MYLK4: variants seen among roughly 807,000 people sequenced by gnomAD.
The protein encoded by MYLK4 is caMLCK like.
In MYLK4, 46 loss-of-function variants were observed where a neutral mutation model predicts 48.1. The observed-to-expected ratio is 0.96, with a 90% CI of 0.75 to 1.22. MYLK4 has a LOEUF of 1.22. Ranked by LOEUF, MYLK4 falls within the 50% of genes most tolerant of loss-of-function variation. The pLI, the probability that MYLK4 is intolerant of heterozygous loss-of-function variation, is 0.00. For missense variants in MYLK4, 451 were observed against 486.1 expected (o/e 0.93, Z 0.68); for synonymous variants, 170 against 180.8 (o/e 0.94, Z 0.48).
At chr6:2,683,192 G>T (rs1375142777) in intron 6 of MYLK4, 30 bp from the exon 7 acceptor site, 1 of 1,613,492 alleles carries the variant, frequency 6.2e-7, no homozygotes, top group Admixed American at 1.7e-5. Flanking sequence ...GAAACCCTCA[G>T]TCCCGATTTC....
chr6:2,746,237 AGCCT>A lies in MYLK4; in HGVS notation c.159+2895_159+2898del, dbSNP rs111843223. ...AGCTGAGATCGCACCACTGCACTCC[AGCCT>A]GGGTGACAGAGCAAGACTCCGTCTC... On this transcript the variant is annotated intron_variant, in intron 2 of 12. Transcript: ENST00000274643. Among the ~76,000 whole-genome samples the A allele has an allele frequency of 4.6e-3, 703 of 152,112 alleles. 8 individuals are homozygous for A. Among genetic ancestry groups the A allele is most frequent in the African/African-American group, 0.016 (669 of 41,530 alleles).
At chr6:2,725,452 G>T (rs1289644157) in intron 2 of MYLK4, among the ~76,000 whole-genome samples, 1 of 151,816 alleles carries the variant, frequency 6.6e-6, no homozygotes, top group Non-Finnish European at 1.5e-5. Context: ...TCCAGCCTGG[G>T]TGACACAGTA....
intron 2 of MYLK4, among the ~76,000 whole-genome samples, chr6:2,722,552 T>TGTGC (rs1561865790): frequency 1.4e-5 from 2 of 145,420 alleles, no homozygotes; most frequent in Non-Finnish European, 3.1e-5. Context: ...TGTGTGTGTG[T>TGTGC]GTGTTGGAGG....
At chr6:2,718,197 A>AG (rs1561862660) in intron 2 of MYLK4, among the ~76,000 whole-genome samples, 1 of 144,216 alleles carries the variant, frequency 6.9e-6, no homozygotes, top group African/African-American at 2.6e-5. Flanking sequence ...AAAAAAAAAA[A>AG]AAAAGAAAAA....
chr6:2,703,665 C>CTTTTTTTTTTTTTT (rs3055234), intron 2 of MYLK4, among the ~76,000 whole-genome samples: 5 of 95,150 alleles, frequency 5.3e-5, no homozygotes, highest in East Asian at 4.1e-4. Context: ...TTTGTGAATT[C>CTTTTTTTTTTTTTT]TTTTTTTTTT....
intron 2 of MYLK4, among the ~76,000 whole-genome samples, chr6:2,711,280 C>G (rs1319088853): frequency 1.3e-5 from 2 of 152,308 alleles, no homozygotes; most frequent in Middle Eastern, 3.4e-3. Context: ...AGAAATTAAT[C>G]TAATCATGGT....
intron 11 of MYLK4, 142 bp downstream of exon 11, chr6:2,674,905 A>T: frequency 1.4e-6 from 1 of 712,690 alleles, no homozygotes; most frequent in Non-Finnish European, 2.3e-6. Flanking sequence ...CATTTTAAGT[A>T]ATTTAATACT....
chr6:2,764,858 G>A, the MYLK4 span, among the ~76,000 whole-genome samples: 1 of 152,188 alleles, frequency 6.6e-6, no homozygotes, highest in African/African-American at 2.4e-5. Flanking sequence ...CCACTACTGA[G>A]GTGAGCATTT....
intron 12 of MYLK4, among the ~76,000 whole-genome samples, chr6:2,669,073 A>T (rs1248674320): frequency 1.2e-5 from 1 of 83,388 alleles, no homozygotes; most frequent in African/African-American, 3.4e-5. Context: ...GTCTCTAATT[A>T]AAAAAAAAAC....
chr6:2,754,718 C>T (rs1317154153), upstream of MYLK4, among the ~76,000 whole-genome samples: 1 of 152,054 alleles, frequency 6.6e-6, no homozygotes, highest in East Asian at 1.9e-4. Flanking sequence ...CAAAAAGTAG[C>T]TTGTTAAAAG....
chr6:2,745,061 G>A (rs559443890), intron 2 of MYLK4, among the ~76,000 whole-genome samples: 1 of 152,196 alleles, frequency 6.6e-6, no homozygotes, highest in Non-Finnish European at 1.5e-5. Flanking sequence ...AACCAACGGA[G>A]GAGGAGGAGA....
chr6:2,735,209 CCTT>C (rs1247905174), intron 2 of MYLK4, among the ~76,000 whole-genome samples: 3 of 152,150 alleles, frequency 2.0e-5, no homozygotes, highest in Non-Finnish European at 4.4e-5. Flanking sequence ...AATCAGGTTG[CCTT>C]CTTCTTCATA....
chr6:2,741,587 A>G (rs1305232076), intron 2 of MYLK4, among the ~76,000 whole-genome samples: 1 of 152,242 alleles, frequency 6.6e-6, no homozygotes, highest in Non-Finnish European at 1.5e-5. Context: ...GAGCACATTC[A>G]TATCATAAAT....
chr6:2,709,397 G>T (rs897899172), intron 2 of MYLK4, among the ~76,000 whole-genome samples: 8 of 152,304 alleles, frequency 5.3e-5, no homozygotes, highest in Middle Eastern at 3.4e-3. Context: ...TTGTGGATCT[G>T]CCCGTGAGGC....
the MYLK4 span, among the ~76,000 whole-genome samples, chr6:2,765,197 C>T: frequency 1.1e-5 from 1 of 88,018 alleles, no homozygotes; most frequent in African/African-American, 3.6e-5. Context: ...CCCCCCCGCC[C>T]CTCCCCCGCC....
intron 2 of MYLK4, among the ~76,000 whole-genome samples, chr6:2,699,526 T>C (rs1471438514): frequency 3.3e-5 from 5 of 151,096 alleles, no homozygotes; most frequent in Admixed American, 6.6e-5. Context: ...CTTGAACTCC[T>C]GACCTCGTGA....
the MYLK4 span, chr6:2,766,348 G>T: frequency 6.2e-7 from 1 of 1,610,640 alleles, no homozygotes; most frequent in East Asian, 2.2e-5. Flanking sequence ...ACTTCGGGCA[G>T]AGCAAGGCCG....
chr6:2,668,693 CT>C, intron 12 of MYLK4, among the ~76,000 whole-genome samples: 1 of 152,200 alleles, frequency 6.6e-6, no homozygotes, highest in East Asian at 1.9e-4. Flanking sequence ...GAAGAATAAT[CT>C]TTTTTTTCCT....
the MYLK4 span, chr6:2,765,691 C>T: frequency 1.5e-5 from 24 of 1,550,250 alleles, no homozygotes; most frequent in Non-Finnish European, 1.8e-5. Flanking sequence ...GCCCCGTGTG[C>T]CAGCAGATGA....
Sources: allele counts gnomAD v4.1 joint callset (sites outside exome capture counted in the v4.1 genomes callset), GRCh38; gene constraint gnomAD v4.1.1; transcripts MANE v1.5; gene names NCBI Gene and HGNC (gene_info 2026-07-23, HGNC 2026-07-21).